The following RASSF3 variants were observed in gnomAD, a reference collection of about 807,000 sequenced individuals.
RASSF3 encodes Ras association domain family member 3, also known as ras association domain-containing protein 3.
A neutral mutation model predicts 19.9 loss-of-function variants in RASSF3; 19 were observed. That is an observed-to-expected ratio of 0.96 (90% confidence interval 0.67 to 1.40). The LOEUF is 1.40. Ranked by LOEUF, RASSF3 falls within the 40% of genes most tolerant of loss-of-function variation. RASSF3 has a pLI of 0.00. For synonymous variants in RASSF3, 110 were observed against 104.2 expected (o/e 1.06, Z -0.34); for missense variants, 306 against 289.8 (o/e 1.06, Z -0.41).
upstream of RASSF3, among the ~76,000 whole-genome samples, chr12:64,605,887 CAAAA>C (rs34242846): frequency 6.3e-3 from 517 of 82,394 alleles, 2 homozygotes; most frequent in African/African-American, 0.021. Context: ...AACTCCGTCT[CAAAA>C]AAAAAAAAAA....
intron 1 of RASSF3, among the ~76,000 whole-genome samples, chr12:64,682,740 C>G (rs1873185030): frequency 3.3e-5 from 5 of 152,160 alleles, no homozygotes. Context: ...ACACTAGCTT[C>G]CAGTGGGCAG....
At position 64,688,401 on chromosome 12, in the gene RASSF3, T is replaced by A. The variant is rs1207790181; in HGVS notation, c.405T>A (p.Thr135=). ...CCCTGCTCAAAAAGTTTCTCGTGAC[T>A]GAGAGCCCTGCCAAGTTTGCACTTT... ...IEALLKKFLV[T]ESPAKFALYK... Residue 135 remains threonine (T), a synonymous_variant, in exon 3 of 5, where the codon ACT becomes ACA. Transcript: ENST00000542104. 1.2e-6 allele frequency: 2 copies of A among 1,614,194 alleles called. No individual in the cohort carries two copies. The highest frequency in any genetic ancestry group is 1.7e-5 in the Admixed American group (1 of 60,016).
intron 1 of RASSF3, among the ~76,000 whole-genome samples, chr12:64,674,731 G>T (rs1872819897): frequency 6.6e-6 from 1 of 152,174 alleles, no homozygotes; most frequent in South Asian, 2.1e-4. Flanking sequence ...ACTGAGGGCT[G>T]TTGTGGTTAG....
intron 2 of RASSF3, among the ~76,000 whole-genome samples, chr12:64,593,839 C>T (rs528996069): frequency 9.9e-4 from 151 of 151,814 alleles, no homozygotes; most frequent in African/African-American, 3.4e-3. Context: ...TGGTGAAAGC[C>T]CATCTCTACT....
At chr12:64,628,868 G>A (rs917305461) in intron 1 of RASSF3, among the ~76,000 whole-genome samples, 141 of 152,196 alleles carry the variant, frequency 9.3e-4, no homozygotes, top group African/African-American at 3.3e-3. Flanking sequence ...ATATTCCTAG[G>A]AAACTTTCAG....
chr12:64,691,734 A>AGAAGAGGGTTGGAGGGCAGGGGGATG, intron 4 of RASSF3, among the ~76,000 whole-genome samples, 155 bp downstream of exon 4: 1 of 151,048 alleles, frequency 6.6e-6, no homozygotes, highest in Non-Finnish European at 1.5e-5. Context: ...GGGCAGGGAG[A>AGAAGAGGGTTGGAGGGCAGGGGGATG]GGGAGAGGGA....
chr12:64,651,937 A>G (rs1228756763), intron 1 of RASSF3, among the ~76,000 whole-genome samples: 2 of 152,234 alleles, frequency 1.3e-5, no homozygotes, highest in East Asian at 3.8e-4. Flanking sequence ...CTGGGATAAC[A>G]GACATGAGCC....
At chr12:64,650,485 G>A (rs1387859503) in intron 1 of RASSF3, among the ~76,000 whole-genome samples, 1 of 141,020 alleles carries the variant, frequency 7.1e-6, no homozygotes, top group Non-Finnish European at 1.5e-5. Context: ...TGCAAGTCTG[G>A]GTTCACTGCA....
At chr12:64,567,281 T>C (rs897607565) in intron 2 of RASSF3, among the ~76,000 whole-genome samples, 2 of 152,168 alleles carry the variant, frequency 1.3e-5, no homozygotes, top group South Asian at 2.1e-4. Context: ...AGCAACTCTC[T>C]TACCTGAACA....
Position 64,509,785 on chromosome 12 carries a change from T to C in RASSF3, c.169+2456T>C, listed in dbSNP as rs541952790. The stretch of plus-strand genomic sequence containing the variant: ...ATCTTTTTACTTATACACAATATTA[T>C]GAAAGAAAGATTTTTGTTGAGGCCA... On this transcript the variant is annotated intron_variant, in intron 1 of 5. Coordinates refer to the RASSF3 transcript ENST00000637125. Among the ~76,000 whole-genome samples the C allele has an allele frequency of 6.5e-4, 99 of 152,226 alleles. No individual in the cohort carries two copies. The South Asian group carries it at 0.014, about 21-fold the overall frequency.
intron 1 of RASSF3, among the ~76,000 whole-genome samples, chr12:64,675,445 C>T (rs746297098): frequency 3.9e-5 from 6 of 152,226 alleles, no homozygotes; most frequent in Admixed American, 1.3e-4. Flanking sequence ...CCACTGTGCC[C>T]GGCCTGGTTT....
upstream of RASSF3, among the ~76,000 whole-genome samples, chr12:64,609,931 C>CA (rs1870274546): frequency 6.6e-6 from 1 of 152,206 alleles, no homozygotes; most frequent in African/African-American, 2.4e-5. Context: ...CGAATAAACT[C>CA]AACCCAGTTT....
At chr12:64,633,920 G>A (rs889858398) in intron 1 of RASSF3, among the ~76,000 whole-genome samples, 2 of 152,164 alleles carry the variant, frequency 1.3e-5, no homozygotes, top group African/African-American at 4.8e-5. Context: ...GATTGCTTGA[G>A]CTCAGGAGTT....
Position 64,627,173 on chromosome 12 carries a change from T to C in RASSF3, c.111+16430T>C, listed in dbSNP as rs537784031. Among the ~76,000 whole-genome samples, 9 of 152,360 alleles carry C rather than the reference T, an allele frequency of 5.9e-5. No individual in the cohort carries two copies. The South Asian group carries it at 1.9e-3, about 32-fold the overall frequency. On this transcript the variant is annotated intron_variant, in intron 1 of 4. Coordinates refer to ENST00000542104, the MANE Select transcript of RASSF3 (RefSeq NM_178169.4). ...GACTACTAAAAAATGGTTTTCTCTT[T>C]TAATCTTGTCTGATGTAAATTAATG...
intron 2 of RASSF3, among the ~76,000 whole-genome samples, chr12:64,578,960 C>A (rs978911215): frequency 1.3e-5 from 2 of 152,034 alleles, no homozygotes; most frequent in Non-Finnish European, 2.9e-5. Context: ...GCCTGACCAA[C>A]AAGGTGAAAC....
chr12:64,563,167 A>T (rs1297673492), intron 2 of RASSF3, among the ~76,000 whole-genome samples: 3 of 146,352 alleles, frequency 2.0e-5, no homozygotes, highest in Non-Finnish European at 4.5e-5. Flanking sequence ...ATTTATTTTT[A>T]TTTTTATTTT....
intron 2 of RASSF3, among the ~76,000 whole-genome samples, chr12:64,559,630 C>G (rs1869316089): frequency 6.6e-6 from 1 of 152,142 alleles, no homozygotes; most frequent in East Asian, 1.9e-4. Context: ...CAGGGCAACT[C>G]AAGCATTTCC....
At chr12:64,569,393 G>A (rs1395793084) in intron 2 of RASSF3, among the ~76,000 whole-genome samples, 3 of 152,202 alleles carry the variant, frequency 2.0e-5, no homozygotes, top group Non-Finnish European at 4.4e-5. Flanking sequence ...GCCTCTTCTT[G>A]GCCTCCAGCC....
chr12:64,545,545 C>G (rs1162289707), downstream of RASSF3, among the ~76,000 whole-genome samples: 1 of 152,108 alleles, frequency 6.6e-6, no homozygotes, highest in Non-Finnish European at 1.5e-5. Context: ...ATTTGATAGA[C>G]GGGTTTATAA....
Sources: gnomAD v4.1 joint callset for allele counts (sites outside exome capture counted in the v4.1 genomes callset) on GRCh38, gnomAD v4.1.1 for gene constraint, MANE v1.5 for transcripts, NCBI Gene and HGNC (gene_info 2026-07-23, HGNC 2026-07-21) for gene names.